RYR2: variants seen among roughly 807,000 people sequenced by gnomAD.
The protein encoded by RYR2 is cardiac muscle ryanodine receptor-calcium release channel.
Under a neutral mutation model 601.1 loss-of-function variants are expected in RYR2, and 227 were observed. That is an observed-to-expected ratio of 0.38 (90% CI 0.34 to 0.42). The LOEUF is 0.42. Ranked by LOEUF, RYR2 falls within the 10% of genes least tolerant of loss-of-function variation. The pLI is 1.00. For missense variants in RYR2, 4,646 were observed against 6,156.5 expected (o/e 0.75, Z 8.21); for synonymous variants, 2,223 against 2,175.1 (o/e 1.02, Z -0.61).
chr1:237,765,775 T>C (rs977438534), intron 84 of RYR2, among the ~76,000 whole-genome samples: 1 of 152,232 alleles, frequency 6.6e-6, no homozygotes, highest in African/African-American at 2.4e-5. Flanking sequence ...CAAATACATT[T>C]TCTTAACATC....
At position 237,660,953 on chromosome 1, in the gene RYR2, A is replaced by T; in HGVS notation, c.8436+6A>T. On this transcript the variant is annotated splice_donor_region_variant and intron_variant, in intron 56 of 104. Coordinates refer to ENST00000366574, the MANE Select transcript of RYR2 (RefSeq NM_001035.3). ...GTATTTCTCAGACAAGCCAGGTAAGAATTCATCACGGTGATGAATCAACTG... is the reference window on the plus strand; with the variant it reads ...GTATTTCTCAGACAAGCCAGGTAAGTATTCATCACGGTGATGAATCAACTG... The T allele has an allele frequency of 7.2e-7, 1 of 1,393,014 alleles. No individual in the cohort carries two copies. The highest frequency in any genetic ancestry group is 1.9e-5 in the South Asian group (1 of 52,186). The allele number at this position is 1,393,014 out of a possible 1,614,324, so 86.3% of individuals were successfully genotyped here.
At chr1:237,519,019 T>C (rs1460633647) in intron 24 of RYR2, among the ~76,000 whole-genome samples, 1 of 152,216 alleles carries the variant, frequency 6.6e-6, no homozygotes, top group African/African-American at 2.4e-5. Context: ...TCTCTGATGA[T>C]TAGTGATGTT....
intron 35 of RYR2, among the ~76,000 whole-genome samples, chr1:237,606,269 C>T (rs1245464365): frequency 1.3e-5 from 2 of 152,166 alleles, no homozygotes; most frequent in African/African-American, 4.8e-5. Context: ...CACCACACAT[C>T]TACAACCATC....
At chr1:237,567,311 C>T (rs1037068002) in intron 28 of RYR2, among the ~76,000 whole-genome samples, 2 of 148,374 alleles carry the variant, frequency 1.3e-5, no homozygotes, top group Non-Finnish European at 3.0e-5. Flanking sequence ...GTAATATGGG[C>T]GAGGTGCCTG....
At chr1:237,782,101 T>C (rs61229541) in intron 89 of RYR2, among the ~76,000 whole-genome samples, 4,732 of 151,854 alleles carry the variant, frequency 0.031, 227 homozygotes, top group African/African-American at 0.11. Context: ...CAGCTGGCAG[T>C]GGTAGTCTTG....
intron 1 of RYR2, among the ~76,000 whole-genome samples, chr1:237,058,722 G>T (rs1335639904): frequency 6.8e-6 from 1 of 146,622 alleles, no homozygotes; most frequent in African/African-American, 2.5e-5. Flanking sequence ...CTTGAGACCA[G>T]CCTTCCTTCC....
At chr1:237,660,762 T>C in intron 55 of RYR2, 48 bp from the exon 56 acceptor site, 3 of 1,484,904 alleles carry the variant, frequency 2.0e-6, no homozygotes, top group Non-Finnish European at 2.7e-6. Context: ...TTAACATTTT[T>C]ATTTACATTC....
intron 62 of RYR2, among the ~76,000 whole-genome samples, chr1:237,684,828 G>C (rs1408938024): frequency 1.3e-5 from 2 of 151,662 alleles, no homozygotes; most frequent in Admixed American, 1.3e-4. Context: ...AACTGAAGGA[G>C]AGTAGAGAAA....
intron 58 of RYR2, among the ~76,000 whole-genome samples, chr1:237,673,801 T>C (rs1252545456): frequency 6.6e-6 from 1 of 152,214 alleles, no homozygotes; most frequent in Non-Finnish European, 1.5e-5. Flanking sequence ...CAGAAGAGAA[T>C]ACAGCTGCTT....
At chr1:237,356,056 T>C (rs990014266) in intron 4 of RYR2, 71 bp downstream of exon 4, 4 of 1,390,922 alleles carry the variant, frequency 2.9e-6, no homozygotes, top group African/African-American at 1.4e-5. Context: ...CTCTAATCTT[T>C]CATTTTGCTT....
chr1:237,673,288 G>A (rs1685115961), intron 58 of RYR2, among the ~76,000 whole-genome samples: 1 of 151,974 alleles, frequency 6.6e-6, no homozygotes. Context: ...CTTTGTATCA[G>A]ATCTTTACAT....
chr1:237,674,905 C>T, intron 60 of RYR2, 59 bp downstream of exon 60: 1 of 933,312 alleles, frequency 1.1e-6, no homozygotes, highest in South Asian at 1.6e-5. Flanking sequence ...ATGTTTACAA[C>T]ATCAGGATAT....
intron 1 of RYR2, among the ~76,000 whole-genome samples, chr1:237,255,838 AGTGTGTGTGTGTGTGTGTGTGT>A: frequency 7.0e-6 from 1 of 142,958 alleles, no homozygotes; most frequent in East Asian, 2.1e-4. Flanking sequence ...TTGCTATACC[AGTGTGTGTGTGTGTGTGTGTGT>A]GTGTGTGTGT....
At position 237,772,107 on chromosome 1, in the gene RYR2, T is replaced by G. The variant is rs2149314843; in HGVS notation, c.11646+7T>G. Reference sequence around the variant, plus strand: ...CTACCTACTGAGAGTTCAGGTATGTTGCTTTCCATATTAGTAACAAATTAA... The same window carrying G: ...CTACCTACTGAGAGTTCAGGTATGTGGCTTTCCATATTAGTAACAAATTAA... On this transcript the variant is annotated splice_region_variant and intron_variant, in intron 86 of 104. Transcript: ENST00000366574. 1 of 1,422,836 alleles carries G rather than the reference T, an allele frequency of 7.0e-7. No individual in the cohort carries two copies. The highest frequency in any genetic ancestry group is 1.9e-5 in the Admixed American group (1 of 51,620). 88.1% of individuals were successfully genotyped at this position (1,422,836 alleles called of 1,614,324 possible).
intron 1 of RYR2, among the ~76,000 whole-genome samples, chr1:237,217,251 C>G (rs1032551292): frequency 1.3e-5 from 2 of 151,870 alleles, no homozygotes; most frequent in African/African-American, 4.8e-5. Flanking sequence ...TTTCCCTGCT[C>G]GATGACTCAG....
At chr1:237,141,363 G>C (rs541114522) in intron 1 of RYR2, among the ~76,000 whole-genome samples, 1 of 152,162 alleles carries the variant, frequency 6.6e-6, no homozygotes, top group Non-Finnish European at 1.5e-5. Flanking sequence ...TATCGTAAAT[G>C]ATGGTTGAAT....
Position 237,626,580 on chromosome 1 carries a change from C to CTTTTTTTTTTTTTTTTTTTTTTTTTT in RYR2, c.6166+782_6166+807dup, listed in dbSNP as rs60885998. Among the ~76,000 whole-genome samples, 92 of 40,066 alleles carry CTTTTTTTTTTTTTTTTTTTTTTTTTT rather than the reference C, an allele frequency of 2.3e-3. 15 individuals are homozygous for CTTTTTTTTTTTTTTTTTTTTTTTTTT. The highest frequency in any genetic ancestry group is 5.1e-3 in the East Asian group (5 of 974). 26.3% of individuals were successfully genotyped at this position (40,066 alleles called of 152,430 possible). A position where few individuals can be genotyped will look rare whatever the true frequency, so the allele number is the denominator to read the frequency against. On this transcript the variant is annotated intron_variant, in intron 40 of 104. Coordinates refer to ENST00000366574, the MANE Select transcript of RYR2 (RefSeq NM_001035.3). ...TTCTTTTCTTTTTCTTTTTCTTTTT[C>CTTTTTTTTTTTTTTTTTTTTTTTTTT]TTTTTTTTTTTTTTTTTTTTTTTTT...
intron 8 of RYR2, among the ~76,000 whole-genome samples, chr1:237,386,761 G>C (rs1323659783): frequency 1.3e-5 from 2 of 152,164 alleles, no homozygotes; most frequent in Admixed American, 1.3e-4. Flanking sequence ...TTAGATAGCT[G>C]TTAGGAAATA....
rs1675476028 is a variant in RYR2 at position 237,593,580 on chromosome 1, C to A, written c.4380C>A (p.Asp1460Glu). The change falls in exon 33 of 105, where the codon GAC becomes GAA. Residue 1460 changes from aspartate to glutamate, a missense_variant. This residue lies in a region of RYR2 where 1,807 missense variants were observed against 2,088.1 expected (regional missense o/e 0.87). Coordinates refer to ENST00000366574, the MANE Select transcript of RYR2 (RefSeq NM_001035.3). ...FHQYDTGFDL[D>E]RVRTVTVTLG... ...AGTATGACACAGGCTTTGACTTGGA[C>A]AGAGTTCGCACAGTAACAGTTACTC... 2 of 1,613,848 alleles carry A rather than the reference C, an allele frequency of 1.2e-6. No homozygotes were observed. The highest frequency in any genetic ancestry group is 1.7e-6 in the Non-Finnish European group (2 of 1,179,822).
Sources: allele counts gnomAD v4.1 joint callset (sites outside exome capture counted in the v4.1 genomes callset), GRCh38; gene constraint gnomAD v4.1.1; regional missense constraint gnomAD v4.1.1; transcripts MANE v1.5; gene names NCBI Gene and HGNC (gene_info 2026-07-23, HGNC 2026-07-21).